CELF2: variants seen among roughly 807,000 people sequenced by gnomAD.
CELF2 encodes CUGBP Elav-like family member 2, also known as CUG triplet repeat RNA-binding protein 2.
A neutral mutation model predicts 62.6 loss-of-function variants in CELF2; 8 were observed. The ratio of observed to expected loss-of-function variants is 0.13; its 90% CI spans 0.07 to 0.23. The LOEUF (loss-of-function observed/expected upper bound fraction) is 0.23. Ranked by LOEUF, CELF2 falls within the 10% of genes least tolerant of loss-of-function variation. The pLI, the probability that CELF2 is intolerant of heterozygous loss-of-function variation, is 1.00. For missense variants in CELF2, 333 were observed against 671.0 expected, an observed-to-expected ratio of 0.50 and a Z score of 5.56; for synonymous variants, 258 against 250.0, an observed-to-expected ratio of 1.03 and a Z score of -0.30.
At chr10:11,023,847 T>G (rs565608538) in intron 1 of CELF2, among the ~76,000 whole-genome samples, 1 of 152,384 alleles carries the variant, frequency 6.6e-6, no homozygotes, top group South Asian at 2.1e-4. Context: ...ATGTTCTGTT[T>G]AGATACTAAA....
chr10:11,107,843 CT>C (rs1176423484), intron 1 of CELF2, among the ~76,000 whole-genome samples: 3 of 109,760 alleles, frequency 2.7e-5, no homozygotes, highest in African/African-American at 7.1e-5. Flanking sequence ...CCTCTGCCCC[CT>C]ATTTCTCCCC....
chr10:10,680,277 A>AAG, the CELF2 span, among the ~76,000 whole-genome samples: 1 of 152,210 alleles, frequency 6.6e-6, no homozygotes, highest in African/African-American at 2.4e-5. Context: ...AAGTTTAGGG[A>AAG]TCCCCAAGAC....
In CELF2 at chr10:11,197,471, G is replaced by A. The variant is rs542739164; in HGVS notation, c.272-19954G>A. Among the ~76,000 whole-genome samples, 53 of 152,336 alleles carry A rather than the reference G, an allele frequency of 3.5e-4. 3 individuals are homozygous for A. Among genetic ancestry groups the A allele is most frequent in the Admixed American group, 3.3e-3 (51 of 15,304 alleles). ...CTTATTAAATGTCACAGGGGAAAAA[G>A]AGAACAAAAATCATTTTCTGTACTC... On this transcript the variant is annotated intron_variant, in intron 2 of 12. Transcript: ENST00000633077.
the CELF2 span, among the ~76,000 whole-genome samples, chr10:10,487,000 C>A: frequency 6.6e-6 from 1 of 152,154 alleles, no homozygotes; most frequent in East Asian, 1.9e-4. Flanking sequence ...ATTTCCCTGT[C>A]CATCGTATAT....
chr10:10,536,168 T>C, the CELF2 span, among the ~76,000 whole-genome samples: 12 of 152,084 alleles, frequency 7.9e-5, no homozygotes, highest in East Asian at 5.8e-4. Flanking sequence ...TACAGGCACA[T>C]GCCACCATGT....
intron 1 of CELF2, among the ~76,000 whole-genome samples, chr10:11,089,095 C>G (rs959308682): frequency 1.3e-5 from 2 of 152,218 alleles, no homozygotes; most frequent in Non-Finnish European, 2.9e-5. Flanking sequence ...AGTGCCACTT[C>G]TGCCACATCC....
chr10:10,527,920 T>G, the CELF2 span, among the ~76,000 whole-genome samples: 1 of 152,190 alleles, frequency 6.6e-6, no homozygotes, highest in Admixed American at 6.5e-5. Flanking sequence ...TCATTGACAT[T>G]TACACAGAGC....
the CELF2 span, among the ~76,000 whole-genome samples, chr10:10,562,532 A>C: frequency 6.6e-6 from 1 of 152,166 alleles, no homozygotes; most frequent in African/African-American, 2.4e-5. Flanking sequence ...GAGTAGTGGC[A>C]GATCCAAGAC....
At chr10:11,118,826 G>C (rs1260701566) in intron 1 of CELF2, among the ~76,000 whole-genome samples, 1 of 152,190 alleles carries the variant, frequency 6.6e-6, no homozygotes, top group East Asian at 1.9e-4. Flanking sequence ...ATTTGAGCAG[G>C]AGACAAGGAG....
At chr10:11,006,532 G>A (rs887688904) in intron 1 of CELF2, among the ~76,000 whole-genome samples, 3 of 152,170 alleles carry the variant, frequency 2.0e-5, no homozygotes, top group Non-Finnish European at 4.4e-5. Context: ...TGCCTCTATG[G>A]TATTTAAAGC....
chr10:10,893,721 T>C (rs1220909939), intron 1 of CELF2, among the ~76,000 whole-genome samples: 1 of 152,098 alleles, frequency 6.6e-6, no homozygotes, highest in Non-Finnish European at 1.5e-5. Flanking sequence ...GTGGGACACC[T>C]CACAAGGTGG....
At chr10:10,973,723 C>T (rs1051393609) in intron 2 of CELF2, among the ~76,000 whole-genome samples, 1 of 152,166 alleles carries the variant, frequency 6.6e-6, no homozygotes, top group African/African-American at 2.4e-5. Flanking sequence ...TGTGCCACCA[C>T]ACCTGGCTAA....
In CELF2 at chr10:11,280,982, C is replaced by CTGTGTGAGTG. The variant is rs541295992; in HGVS notation, c.841+5868_841+5869insAGTGTGTGTG. ...CTGATGCTGGCGTGCGTGTGCATGCCTGTGTGCGTGTGTGTGTGTGTGTGT... is the reference window on the plus strand; with the variant it reads ...CTGATGCTGGCGTGCGTGTGCATGCCTGTGTGAGTGTGTGTGCGTGTGTGTGTGTGTGTGT... On this transcript the variant is annotated intron_variant, in intron 8 of 12. Coordinates refer to ENST00000633077, the MANE Select transcript of CELF2 (RefSeq NM_001326342.2). This position sits in a 1 kb window ranked among gnomAD's most constrained non-coding sequence, Gnocchi z 7.6. 8.3e-6 allele frequency among the ~76,000 whole-genome samples: 1 copy of CTGTGTGAGTG among 119,776 alleles called. No homozygotes were observed. The highest frequency in any genetic ancestry group is 2.9e-4 in the South Asian group (1 of 3,508). 78.6% of individuals were successfully genotyped at this position (119,776 alleles called of 152,430 possible).
intron 1 of CELF2, among the ~76,000 whole-genome samples, chr10:11,080,672 C>A (rs6602476): frequency 0.27 from 40,328 of 152,088 alleles, 5,635 homozygotes; most frequent in Middle Eastern, 0.31. Flanking sequence ...TATTGAAGGG[C>A]CTTTTCATTG....
chr10:10,901,316 A>G (rs1198113402), intron 1 of CELF2, among the ~76,000 whole-genome samples: 1 of 152,222 alleles, frequency 6.6e-6, no homozygotes, highest in Non-Finnish European at 1.5e-5. Flanking sequence ...TGACACAGAG[A>G]TAGGTTAATC....
At chr10:10,726,263 G>A in the CELF2 span, among the ~76,000 whole-genome samples, 1 of 152,172 alleles carries the variant, frequency 6.6e-6, no homozygotes, top group Admixed American at 6.5e-5. Flanking sequence ...AAGGCTAAGA[G>A]GGTGGCACGG....
At position 11,269,032 on chromosome 10, in the gene CELF2, A is replaced by C. The variant is rs2082968217; in HGVS notation, c.619-1634A>C. 6.6e-6 allele frequency among the ~76,000 whole-genome samples: 1 copy of C among 152,208 alleles called. No individual in the cohort carries two copies. Among genetic ancestry groups the C allele is most frequent in the Non-Finnish European group, 1.5e-5 (1 of 68,046 alleles). On this transcript the variant is annotated intron_variant, in intron 6 of 12. Transcript: ENST00000633077. This position sits in a 1 kb window ranked among gnomAD's most constrained non-coding sequence, Gnocchi z 4.4. ...CATTTTTACTATTTAAGGAAGAAAA[A>C]AATAGATGTTCTGTTAGGAGAGATG...
chr10:11,051,451 G>A (rs1248045791), intron 1 of CELF2, among the ~76,000 whole-genome samples: 1 of 152,030 alleles, frequency 6.6e-6, no homozygotes, highest in East Asian at 1.9e-4. Context: ...TCTCTTGCTC[G>A]TCTGGCTTAC....
At chr10:10,906,156 C>T (rs1244636812) in intron 1 of CELF2, among the ~76,000 whole-genome samples, 3 of 135,406 alleles carry the variant, frequency 2.2e-5, no homozygotes, top group African/African-American at 8.5e-5. Context: ...TCCCAACATG[C>T]ATAGGCTGTC....
Sources: allele counts gnomAD v4.1 joint callset (sites outside exome capture counted in the v4.1 genomes callset), GRCh38; gene constraint gnomAD v4.1.1; non-coding constraint Gnocchi (gnomAD v3.1); transcripts MANE v1.5; gene names NCBI Gene and HGNC (gene_info 2026-07-23, HGNC 2026-07-21).